CCDC171: variants seen among roughly 807,000 people sequenced by gnomAD.
The protein encoded by CCDC171 is coiled-coil domain-containing protein 171.
CCDC171 carries 177 observed loss-of-function variants against 168.2 expected under a neutral mutation model. The observed-to-expected ratio is 1.05, with a 90% CI of 0.93 to 1.19. The LOEUF is 1.19. Ranked by LOEUF, CCDC171 falls within the 50% of genes most tolerant of loss-of-function variation. The pLI, the probability that CCDC171 is intolerant of heterozygous loss-of-function variation, is 0.00. For synonymous variants in CCDC171, 687 were observed against 540.8 expected (o/e 1.27, Z -3.75); for missense variants, 1,991 against 1,539.0 (o/e 1.29, Z -4.91).
intron 2 of CCDC171, among the ~76,000 whole-genome samples, chr9:15,567,110 C>T (rs1276180147): frequency 6.7e-6 from 1 of 148,740 alleles, no homozygotes; most frequent in Admixed American, 6.8e-5. Context: ...CAACCTCTGT[C>T]CCCCGGGTTC....
chr9:16,038,497 A>G (rs1391470556), upstream of CCDC171, among the ~76,000 whole-genome samples: 4 of 152,190 alleles, frequency 2.6e-5, no homozygotes, highest in Admixed American at 2.6e-4. Flanking sequence ...TTTCAAAGTC[A>G]AGTATGTGTG....
rs999584988 is a variant in CCDC171, at chr9:15,782,530, T to C, written c.3082-1979T>C. ...ATTGTGAAGGGAACACACGTTCTGTTAAAACAAGGAAGTCCTGCAAAATGG... is the reference window on the plus strand; with the variant it reads ...ATTGTGAAGGGAACACACGTTCTGTCAAAACAAGGAAGTCCTGCAAAATGG... On this transcript the variant is annotated intron_variant, in intron 20 of 25. Transcript: ENST00000380701. Among the ~76,000 whole-genome samples the C allele has an allele frequency of 1.2e-4, 19 of 152,312 alleles. No individual in the cohort carries two copies. The South Asian group carries it at 3.7e-3, about 30-fold the overall frequency.
intron 1 of CCDC171, among the ~76,000 whole-genome samples, chr9:16,047,040 C>G (rs955232295): frequency 1.3e-5 from 2 of 152,202 alleles, no homozygotes; most frequent in South Asian, 2.1e-4. Flanking sequence ...AGGACTGCAT[C>G]CTTGGCCTAC....
the CCDC171 span, among the ~76,000 whole-genome samples, chr9:16,099,228 T>C: frequency 6.6e-6 from 1 of 152,270 alleles, no homozygotes; most frequent in East Asian, 1.9e-4. Context: ...CTTAGAGGGG[T>C]TAACATCAGA....
intron 6 of CCDC171, among the ~76,000 whole-genome samples, chr9:15,601,709 C>G (rs1006208332): frequency 2.0e-5 from 3 of 152,142 alleles, no homozygotes; most frequent in South Asian, 2.1e-4. Flanking sequence ...GATTAGCTGT[C>G]TGGGAGACTA....
chr9:15,595,228 A>G (rs1554696523), intron 6 of CCDC171, among the ~76,000 whole-genome samples: 1 of 151,966 alleles, frequency 6.6e-6, no homozygotes, highest in Non-Finnish European at 1.5e-5. Flanking sequence ...TACATGTGCC[A>G]TGTTGGTGTG....
intron 1 of CCDC171, among the ~76,000 whole-genome samples, chr9:15,557,645 G>T: frequency 6.6e-6 from 1 of 152,240 alleles, no homozygotes; most frequent in East Asian, 1.9e-4. Flanking sequence ...GTGCTGAGAC[G>T]ATGGGGTTTT....
intron 3 of CCDC171, among the ~76,000 whole-genome samples, chr9:15,995,322 T>C (rs1202683875): frequency 1.3e-5 from 2 of 152,214 alleles, no homozygotes; most frequent in African/African-American, 4.8e-5. Context: ...CCAGTCTCCT[T>C]ACAGGGAGTG....
At chr9:15,824,116 T>C (rs7022823) in intron 21 of CCDC171, among the ~76,000 whole-genome samples, 1,878 of 152,178 alleles carry the variant, frequency 0.012, 29 homozygotes, top group African/African-American at 0.044. Context: ...ATCAAAATTC[T>C]CATTTTATTA....
At chr9:15,706,753 C>A (rs1468671760) in intron 11 of CCDC171, among the ~76,000 whole-genome samples, 2 of 152,154 alleles carry the variant, frequency 1.3e-5, no homozygotes, top group African/African-American at 4.8e-5. Context: ...TTCATGTTCA[C>A]TGAGACTCCA....
intron 16 of CCDC171, among the ~76,000 whole-genome samples, chr9:15,739,879 A>G (rs1456064204): frequency 1.3e-5 from 2 of 152,064 alleles, no homozygotes; most frequent in African/African-American, 2.4e-5. Flanking sequence ...CTGGGACTAC[A>G]GGAGCGTGCC....
At chr9:15,994,705 A>G (rs1294388867) in intron 3 of CCDC171, among the ~76,000 whole-genome samples, 1 of 152,202 alleles carries the variant, frequency 6.6e-6, no homozygotes, top group Non-Finnish European at 1.5e-5. Context: ...CTATAGGTAC[A>G]TTGTCTGCAG....
chr9:15,950,624 C>T (rs536584810), intron 25 of CCDC171, among the ~76,000 whole-genome samples: 125 of 151,850 alleles, frequency 8.2e-4, no homozygotes, highest in African/African-American at 2.6e-3. Flanking sequence ...CTGAAGGAAG[C>T]GCTAAACATG....
chr9:15,737,097 G>A (rs954555428), intron 16 of CCDC171, among the ~76,000 whole-genome samples: 1 of 151,784 alleles, frequency 6.6e-6, no homozygotes. Context: ...CTGAGAAACT[G>A]AAGTTTTAAT....
At chr9:16,074,168 A>G in the CCDC171 span, among the ~76,000 whole-genome samples, 1 of 152,128 alleles carries the variant, frequency 6.6e-6, no homozygotes, top group South Asian at 2.1e-4. Flanking sequence ...AGTGCCTTCA[A>G]TTACATTCTT....
chr9:15,923,522 A>G (rs750797258), intron 25 of CCDC171, among the ~76,000 whole-genome samples: 4 of 151,280 alleles, frequency 2.6e-5, no homozygotes, highest in Non-Finnish European at 5.9e-5. Context: ...CAATGGGGAG[A>G]TGTTGGTCAG....
intron 6 of CCDC171, among the ~76,000 whole-genome samples, chr9:15,607,847 C>T (rs575022157): frequency 2.0e-5 from 3 of 152,184 alleles, no homozygotes; most frequent in East Asian, 1.9e-4. Context: ...TTATCTTGTG[C>T]GTGTGCCATA....
intron 6 of CCDC171, among the ~76,000 whole-genome samples, chr9:15,610,469 A>AAAAAAC (rs1564044138): frequency 7.3e-6 from 1 of 136,272 alleles, no homozygotes; most frequent in Non-Finnish European, 1.6e-5. Context: ...AAAAAAAAAA[A>AAAAAAC]AAAAAAAAAA....
chr9:15,950,117 G>C (rs537987919), intron 25 of CCDC171, among the ~76,000 whole-genome samples: 2 of 152,088 alleles, frequency 1.3e-5, no homozygotes, highest in African/African-American at 4.8e-5. Context: ...AAGAAATATG[G>C]GACTATGTGA....
Sources: allele counts gnomAD v4.1 joint callset (sites outside exome capture counted in the v4.1 genomes callset), GRCh38; gene constraint gnomAD v4.1.1; transcripts MANE v1.5; gene names NCBI Gene and HGNC (gene_info 2026-07-23, HGNC 2026-07-21).